Variants in TRMT11 observed in about 807,000 individuals in gnomAD.
The protein encoded by TRMT11 is tRNA methyltransferase 11, also known as tRNA (guanine(10)-N(2))-methyltransferase TRMT11.
TRMT11 carries 53 observed loss-of-function variants against 62.8 expected under a neutral mutation model. The ratio of observed to expected loss-of-function variants is 0.84; its 90% CI spans 0.68 to 1.06. The LOEUF is 1.06. TRMT11 is among the 50% of genes least tolerant of loss of function. The pLI, the probability that TRMT11 is intolerant of heterozygous loss-of-function variation, is 0.00. For synonymous variants in TRMT11, 188 were observed against 190.3 expected, an observed-to-expected ratio of 0.99 and a Z score of 0.10; for missense variants, 556 against 553.4, an observed-to-expected ratio of 1.00 and a Z score of -0.05.
At chr6:126,063,697 A>G (rs746271468) in intron 17 of TRMT11, among the ~76,000 whole-genome samples, 1 of 152,218 alleles carries the variant, frequency 6.6e-6, no homozygotes, top group Non-Finnish European at 1.5e-5. Context: ...CTGCTGATTC[A>G]TGGGCCATGC....
At chr6:126,250,879 T>A in the TRMT11 span, among the ~76,000 whole-genome samples, 1 of 152,236 alleles carries the variant, frequency 6.6e-6, no homozygotes, top group Non-Finnish European at 1.5e-5. Flanking sequence ...GCCAAATTGA[T>A]AAACCATCTA....
the TRMT11 span, among the ~76,000 whole-genome samples, chr6:126,229,294 T>C: frequency 6.6e-6 from 1 of 152,220 alleles, no homozygotes; most frequent in African/African-American, 2.4e-5. Context: ...AACAAAATGC[T>C]AGATGCCAGG....
the TRMT11 span, among the ~76,000 whole-genome samples, chr6:126,212,791 C>T: frequency 6.6e-6 from 1 of 152,066 alleles, no homozygotes; most frequent in Non-Finnish European, 1.5e-5. Flanking sequence ...GAGGTCATCT[C>T]ATTTGTCCTT....
the TRMT11 span, among the ~76,000 whole-genome samples, chr6:126,220,683 A>G: frequency 6.6e-6 from 1 of 152,224 alleles, no homozygotes; most frequent in Non-Finnish European, 1.5e-5. Flanking sequence ...AACACTTTAC[A>G]TAAAAGATAA....
chr6:126,193,488 G>GTTTTTTTTTTTT lies in TRMT11; in HGVS notation n.144-5310_144-5309insTTTTTTTTTTTT, dbSNP rs1778627491. Among the ~76,000 whole-genome samples the GTTTTTTTTTTTT allele has an allele frequency of 3.2e-3, 373 of 118,070 alleles. 31 individuals carry two copies. The highest frequency in any genetic ancestry group is 0.013 in the African/African-American group (353 of 26,844). The allele number at this position is 118,070 out of a possible 152,430, so 77.5% of individuals were successfully genotyped here. ...TAGGTTATTTAAGAGGAGCGTTTCTGTATTTTTTTTTTTTTTTTTTTTTTT... is the reference window on the plus strand; with the variant it reads ...TAGGTTATTTAAGAGGAGCGTTTCTGTTTTTTTTTTTTTATTTTTTTTTTTTTTTTTTTTTTT... On this transcript the variant is annotated intron_variant and non_coding_transcript_variant, in intron 1 of 3. Coordinates refer to the TRMT11 transcript ENST00000444229.
At chr6:126,024,025 C>T (rs1796199096) in intron 12 of TRMT11, among the ~76,000 whole-genome samples, 1 of 152,148 alleles carries the variant, frequency 6.6e-6, no homozygotes, top group South Asian at 2.1e-4. Flanking sequence ...TAGGTTTTTG[C>T]ACCCTGATTG....
downstream of TRMT11, among the ~76,000 whole-genome samples, chr6:126,043,513 T>C (rs1179842153): frequency 6.8e-3 from 1,028 of 150,084 alleles, 7 homozygotes; most frequent in Middle Eastern, 0.014. Context: ...GCAATAAACA[T>C]ACGTGTGCAT....
At chr6:126,167,522 T>C (rs185090874) in intron 21 of TRMT11, among the ~76,000 whole-genome samples, 157 of 152,298 alleles carry the variant, frequency 1.0e-3, no homozygotes, top group African/African-American at 3.4e-3. Flanking sequence ...TCTTCTTTGA[T>C]CTCACTGGGA....
chr6:126,151,818 C>CTTTCTTTCTTTCTTTG (rs1778047723), intron 21 of TRMT11, among the ~76,000 whole-genome samples: 1 of 104,578 alleles, frequency 9.6e-6, no homozygotes, highest in African/African-American at 3.6e-5. Context: ...TTCTTTCTTT[C>CTTTCTTTCTTTCTTTG]TTTCTTTCTT....
intron 1 of TRMT11, among the ~76,000 whole-genome samples, chr6:126,194,687 A>G (rs547708764): frequency 6.6e-6 from 1 of 152,374 alleles, no homozygotes; most frequent in South Asian, 2.1e-4. Flanking sequence ...GTGAATCAAC[A>G]TTAACAAACT....
chr6:126,006,225 AATTT>A (rs1793325353), intron 7 of TRMT11, among the ~76,000 whole-genome samples: 1 of 151,860 alleles, frequency 6.6e-6, no homozygotes, highest in African/African-American at 2.4e-5. Context: ...CTGCTAATTT[AATTT>A]ATTTAAGTAG....
downstream of TRMT11, chr6:126,039,319 A>C (rs1460473503): frequency 6.6e-6 from 1 of 152,238 alleles, no homozygotes; most frequent in Non-Finnish European, 1.5e-5. Flanking sequence ...GTGATGAGGG[A>C]AATAAATTTT....
intron 1 of TRMT11, among the ~76,000 whole-genome samples, chr6:125,993,548 G>A (rs571161214): frequency 4.6e-5 from 7 of 152,090 alleles, no homozygotes; most frequent in African/African-American, 1.2e-4. Context: ...TTCTGTTGTC[G>A]AAAATTTCTC....
intron 17 of TRMT11, among the ~76,000 whole-genome samples, chr6:126,095,959 A>G (rs1265536399): frequency 6.6e-6 from 1 of 152,150 alleles, no homozygotes; most frequent in Non-Finnish European, 1.5e-5. Flanking sequence ...GGGGCCTAGG[A>G]GCAGGGATAG....
At chr6:126,015,403 T>C (rs995849323) in intron 11 of TRMT11, among the ~76,000 whole-genome samples, 4 of 151,974 alleles carry the variant, frequency 2.6e-5, no homozygotes, top group African/African-American at 4.8e-5. Flanking sequence ...ATTTTTTGTA[T>C]TTTTTTAGTA....
the TRMT11 span, among the ~76,000 whole-genome samples, chr6:126,241,026 T>C: frequency 6.6e-6 from 1 of 152,230 alleles, no homozygotes; most frequent in South Asian, 2.1e-4. Context: ...GGATATAATC[T>C]CCTGGTGTGC....
intron 12 of TRMT11, among the ~76,000 whole-genome samples, chr6:126,031,517 C>T (rs180761543): frequency 5.3e-5 from 8 of 152,206 alleles, no homozygotes; most frequent in African/African-American, 1.4e-4. Flanking sequence ...TAGGAAAGCA[C>T]CTACCTAAGG....
chr6:126,228,654 C>T, the TRMT11 span, among the ~76,000 whole-genome samples: 1 of 152,166 alleles, frequency 6.6e-6, no homozygotes, highest in Non-Finnish European at 1.5e-5. Context: ...CTGCAGATCT[C>T]CCACAGATAA....
downstream of TRMT11, among the ~76,000 whole-genome samples, chr6:126,044,028 T>G (rs1323046411): frequency 6.6e-6 from 1 of 151,688 alleles, no homozygotes; most frequent in Non-Finnish European, 1.5e-5. Context: ...GATGGTAGTT[T>G]CTTTTGCTGT....
Sources: gnomAD v4.1 joint callset for allele counts (sites outside exome capture counted in the v4.1 genomes callset) on GRCh38, gnomAD v4.1.1 for gene constraint, MANE v1.5 for transcripts, NCBI Gene and HGNC (gene_info 2026-07-23, HGNC 2026-07-21) for gene names.